CPNE4: variants seen among roughly 807,000 people sequenced by gnomAD.
CPNE4 encodes the protein copine 4, also known as copine-4.
A neutral mutation model predicts 67.9 loss-of-function variants in CPNE4; 25 were observed. The observed-to-expected ratio is 0.37, with a 90% confidence interval of 0.27 to 0.51. The LOEUF (loss-of-function observed/expected upper bound fraction) is 0.51. Among genes scored for constraint, CPNE4 ranks in the 20% least tolerant of loss-of-function variants. The probability of loss-of-function intolerance (pLI) is 0.93; values close to 1 mark genes in which losing one functional copy is unlikely to be tolerated. For synonymous variants in CPNE4, 242 were observed against 244.9 expected (o/e 0.99, Z 0.11); for missense variants, 464 against 690.8 (o/e 0.67, Z 3.68).
Position 131,682,813 on chromosome 3 carries a change from T to G in CPNE4, c.591+3062A>C, listed in dbSNP as rs73871388. 2.1e-3 allele frequency among the ~76,000 whole-genome samples: 313 copies of G among 152,132 alleles called. 3 individuals are homozygous for G. Among genetic ancestry groups the G allele is most frequent in the African/African-American group, 7.4e-3 (308 of 41,504 alleles). ...GAAACCTTAGGACTCTACCTCATGC[T>G]CTATTCTACTGTGTTTGAGCTAGTA... On this transcript the variant is annotated intron_variant, in intron 6 of 15. Coordinates refer to ENST00000429747, the MANE Select transcript of CPNE4 (RefSeq NM_130808.3).
chr3:131,650,744 C>CAAAAAAAAAAAAAAAAA (rs141219633), intron 7 of CPNE4, among the ~76,000 whole-genome samples: 12 of 61,196 alleles, frequency 2.0e-4, no homozygotes, highest in Non-Finnish European at 2.1e-4. Flanking sequence ...GACTCCGTCT[C>CAAAAAAAAAAAAAAAAA]AAAAAAAAAA....
At chr3:131,650,702 G>T (rs12637934) in intron 7 of CPNE4, among the ~76,000 whole-genome samples, 1 of 124,714 alleles carries the variant, frequency 8.0e-6, no homozygotes, top group East Asian at 2.4e-4. Context: ...CCGAGATCGC[G>T]CCACTGCACT....
intron 1 of CPNE4, among the ~76,000 whole-genome samples, chr3:131,940,355 A>C (rs759611569): frequency 2.6e-5 from 4 of 152,142 alleles, no homozygotes; most frequent in Non-Finnish European, 5.9e-5. Context: ...GAGAAATAAT[A>C]GTGGCCCTCT....
chr3:131,786,923 A>C (rs547533292), intron 2 of CPNE4, among the ~76,000 whole-genome samples: 4 of 152,302 alleles, frequency 2.6e-5, no homozygotes, highest in African/African-American at 9.6e-5. Flanking sequence ...ATCCTTCTAC[A>C]ATCACATTCT....
chr3:131,550,920 A>G (rs1936139295), intron 13 of CPNE4, among the ~76,000 whole-genome samples: 3 of 152,276 alleles, frequency 2.0e-5, no homozygotes, highest in South Asian at 4.1e-4. Context: ...TACTTGATAC[A>G]TCTTGACTGT....
In CPNE4 at chr3:131,575,141, G is replaced by T. The variant is rs375435946; in HGVS notation, c.868-11C>A. On this transcript the variant is annotated splice_polypyrimidine_tract_variant and intron_variant, in intron 9 of 15. Transcript: ENST00000429747. ...ATGCATCTTGTGAATCTGCATAGGAGGGGAGAGGAAACTGGGTTAATAACA... is the reference window on the plus strand; with the variant it reads ...ATGCATCTTGTGAATCTGCATAGGATGGGAGAGGAAACTGGGTTAATAACA... 7 of 1,611,634 alleles carry T rather than the reference G, an allele frequency of 4.3e-6. No homozygotes were observed. In the African/African-American group the frequency reaches 6.7e-5, roughly 15 times the overall value.
rs537530030 is a variant in CPNE4 at position 131,935,770 on chromosome 3, A to C, written c.-1-30326T>G. Among the ~76,000 whole-genome samples the C allele has an allele frequency of 5.3e-5, 8 of 152,150 alleles. No homozygotes were observed. In the East Asian group the frequency reaches 1.6e-3, roughly 30 times the overall value. On this transcript the variant is annotated intron_variant, in intron 1 of 15. Transcript: ENST00000429747. Reference sequence around the variant, plus strand: ...TATCTTAGGAGTTCAACCAAACGTCAATCTAGCAAGCTGGAAGACAAAATA... The same window carrying C: ...TATCTTAGGAGTTCAACCAAACGTCCATCTAGCAAGCTGGAAGACAAAATA...
chr3:131,541,761 C>A lies in CPNE4; in HGVS notation c.1539+796G>T, dbSNP rs1374265838. Among the ~76,000 whole-genome samples the A allele has an allele frequency of 5.9e-5, 9 of 151,442 alleles. No individual in the cohort carries two copies. The East Asian group carries it at 1.8e-3, about 30-fold the overall frequency. ...TCTCGGCTCACTGCAACCTCCACCT[C>A]CCTGATTCAAGTGATTCTCCTGCCT... On this transcript the variant is annotated intron_variant, in intron 15 of 15. Transcript: ENST00000429747.
chr3:131,577,306 C>T (rs960374994), intron 9 of CPNE4, among the ~76,000 whole-genome samples: 9 of 151,966 alleles, frequency 5.9e-5, no homozygotes, highest in East Asian at 1.9e-4. Flanking sequence ...CATACACACA[C>T]GTATACATAT....
intron 3 of CPNE4, among the ~76,000 whole-genome samples, chr3:131,712,595 G>C (rs1156999585): frequency 1.3e-5 from 2 of 152,198 alleles, no homozygotes; most frequent in African/African-American, 4.8e-5. Flanking sequence ...GTAAATAAAA[G>C]TAATTGGAAG....
chr3:131,937,603 T>C (rs2071261492), intron 1 of CPNE4, among the ~76,000 whole-genome samples: 1 of 152,016 alleles, frequency 6.6e-6, no homozygotes, highest in Admixed American at 6.6e-5. Flanking sequence ...AAGACCAAAA[T>C]AAACTGTCAG....
intron 1 of CPNE4, among the ~76,000 whole-genome samples, chr3:131,939,979 C>T (rs983718815): frequency 6.6e-6 from 1 of 152,106 alleles, no homozygotes. Context: ...CACAGCCAGA[C>T]AAGTAACAAA....
chr3:131,723,038 G>A (rs991933737), intron 3 of CPNE4, among the ~76,000 whole-genome samples: 6 of 152,126 alleles, frequency 3.9e-5, no homozygotes, highest in African/African-American at 1.2e-4. Flanking sequence ...CAGAGATGTC[G>A]ACTAAATGTG....
At chr3:131,769,375 T>A (rs2083107534) in intron 2 of CPNE4, among the ~76,000 whole-genome samples, 1 of 152,168 alleles carries the variant, frequency 6.6e-6, no homozygotes, top group African/African-American at 2.4e-5. Context: ...AGGTGTATGT[T>A]TGAGTGAAGA....
At chr3:131,538,391 AT>A (rs1935290479) in intron 15 of CPNE4, among the ~76,000 whole-genome samples, 1 of 152,210 alleles carries the variant, frequency 6.6e-6, no homozygotes, top group Admixed American at 6.5e-5. Context: ...ATCCCCTTGC[AT>A]ATCTGTGCTG....
intron 6 of CPNE4, among the ~76,000 whole-genome samples, chr3:131,684,982 A>T (rs781120561): frequency 6.6e-6 from 1 of 152,204 alleles, no homozygotes; most frequent in Non-Finnish European, 1.5e-5. Flanking sequence ...AAGAAAGGTC[A>T]GGTGTTCATA....
chr3:132,020,839 C>G (rs1350635040), intron 1 of CPNE4, among the ~76,000 whole-genome samples: 1 of 152,156 alleles, frequency 6.6e-6, no homozygotes, highest in Non-Finnish European at 1.5e-5. Flanking sequence ...AAAATTGCAC[C>G]CGCACACGAG....
At chr3:131,602,804 G>A (rs1035989467) in intron 7 of CPNE4, among the ~76,000 whole-genome samples, 11 of 152,114 alleles carry the variant, frequency 7.2e-5, no homozygotes, top group Non-Finnish European at 1.0e-4. Flanking sequence ...CAAATTTACA[G>A]GTGTAATATC....
At chr3:131,822,098 C>T (rs1451472384) in intron 2 of CPNE4, among the ~76,000 whole-genome samples, 2 of 152,128 alleles carry the variant, frequency 1.3e-5, no homozygotes, top group African/African-American at 2.4e-5. Flanking sequence ...AAATTCAGTG[C>T]AACTGGATTT....
Sources: gnomAD v4.1 joint callset for allele counts (sites outside exome capture counted in the v4.1 genomes callset) on GRCh38, gnomAD v4.1.1 for gene constraint, MANE v1.5 for transcripts, NCBI Gene and HGNC (gene_info 2026-07-23, HGNC 2026-07-21) for gene names.